UBASH3A: variants seen among roughly 807,000 people sequenced by gnomAD.
The protein encoded by UBASH3A is ubiquitin associated and SH3 domain containing A.
A neutral mutation model predicts 73.5 loss-of-function variants in UBASH3A; 63 were observed. That is an observed-to-expected ratio of 0.86 (90% CI 0.70 to 1.06). UBASH3A has a LOEUF of 1.06. UBASH3A is among the 50% of genes least tolerant of loss of function. The probability of loss-of-function intolerance (pLI) is 0.00; values close to 1 mark genes in which losing one functional copy is unlikely to be tolerated. For synonymous variants in UBASH3A, 363 were observed against 351.1 expected, an observed-to-expected ratio of 1.03 and a Z score of -0.38; for missense variants, 860 against 859.0, an observed-to-expected ratio of 1.00 and a Z score of -0.02.
At chr21:42,429,942 C>A (rs1475284727) in intron 8 of UBASH3A, among the ~76,000 whole-genome samples, 1 of 151,008 alleles carries the variant, frequency 6.6e-6, no homozygotes, top group East Asian at 1.9e-4. Context: ...GTTTATGCAC[C>A]TACCAAATGT....
chr21:42,432,942 AG>A (rs1330279091), intron 9 of UBASH3A, among the ~76,000 whole-genome samples: 1 of 152,272 alleles, frequency 6.6e-6, no homozygotes, highest in Non-Finnish European at 1.5e-5. Flanking sequence ...GGTGGCTATC[AG>A]GATGCATTAA....
intron 8 of UBASH3A, among the ~76,000 whole-genome samples, chr21:42,428,244 C>T (rs544443720): frequency 8.5e-5 from 13 of 152,324 alleles, no homozygotes; most frequent in East Asian, 3.9e-4. Context: ...TCAACCCACA[C>T]GCAGCGTCCC....
At chr21:42,410,588 A>G (rs917582271) in intron 3 of UBASH3A, 1 of 248,438 alleles carries the variant, frequency 4.0e-6, no homozygotes, top group Non-Finnish European at 7.6e-6. Context: ...AAACCTGGAA[A>G]AGCCCCAGAA....
intron 7 of UBASH3A, among the ~76,000 whole-genome samples, chr21:42,419,327 T>C (rs2053288701): frequency 6.6e-6 from 1 of 152,220 alleles, no homozygotes; most frequent in African/African-American, 2.4e-5. Flanking sequence ...TGTTCTTCCC[T>C]CAATTTATCT....
chr21:42,424,263 C>T (rs560308381), intron 7 of UBASH3A, among the ~76,000 whole-genome samples: 24 of 152,190 alleles, frequency 1.6e-4, no homozygotes, highest in South Asian at 1.0e-3. Flanking sequence ...TCCCCCTGCC[C>T]GCCACAGAGG....
At position 42,413,508 on chromosome 21, in the gene UBASH3A, T is replaced by G. The variant is rs747725715; in HGVS notation, c.652T>G (p.Tyr218Asp). ...NLTRASFVSH[Y>D]ILQKYCSVKP... ...AACTAGAGCCTCCTTCGTGAGCCAC[T>G]ACATCCTTCAAAAATGTAAGCCATT... Residue 218 changes from tyrosine to aspartate, a missense_variant, in exon 5 of 15, where the codon TAC becomes GAC. Tyr to Asp is a radical substitution (Grantham distance 160). Transcript: ENST00000319294. The surrounding 1 kb of genome is among the most constrained non-coding windows in gnomAD (Gnocchi z 4.5). The G allele has an allele frequency of 6.2e-7, 1 of 1,613,358 alleles. No homozygotes were observed. The highest frequency in any genetic ancestry group is 1.1e-5 in the South Asian group (1 of 91,038).
chr21:42,403,967 C>A lies in UBASH3A; in HGVS notation c.22C>A (p.Leu8Ile), dbSNP rs146186753. The A allele has an allele frequency of 4.6e-5, 70 of 1,520,956 alleles. 1 individual carries two copies. The highest frequency in any genetic ancestry group is 2.0e-4 in the Middle Eastern group (1 of 5,078). The allele number at this position is 1,520,956 out of a possible 1,614,324, so 94.2% of individuals were successfully genotyped here. The change falls in exon 1 of 15, where the codon CTC becomes ATC. Residue 8 changes from leucine (L) to isoleucine (I), a missense_variant. Physicochemically the swap from Leu to Ile is conservative, Grantham distance 5. Transcript: ENST00000319294. MAAGETQ[L>I]YAKVSNKLKS... ...AGAGATGGCAGCGGGGGAGACGCAG[C>A]TCTACGCCAAGGTCTCCAACAAGCT...
At chr21:42,444,779 C>A in intron 14 of UBASH3A, 136 bp downstream of exon 14, 1 of 707,452 alleles carries the variant, frequency 1.4e-6, no homozygotes, top group Non-Finnish European at 2.5e-6. Context: ...CCCCCGGAGA[C>A]TGTGCCCACC....
intron 7 of UBASH3A, among the ~76,000 whole-genome samples, chr21:42,420,813 A>T (rs1025250205): frequency 6.6e-6 from 1 of 152,246 alleles, no homozygotes; most frequent in African/African-American, 2.4e-5. Flanking sequence ...AGACCTGCTC[A>T]GAATAACCTT....
chr21:42,442,698 G>C, intron 12 of UBASH3A, 102 bp downstream of exon 12: 3 of 1,308,234 alleles, frequency 2.3e-6, no homozygotes, highest in Non-Finnish European at 3.2e-6. Context: ...TTATTCAAGA[G>C]GGACCACTGC....
intron 11 of UBASH3A, among the ~76,000 whole-genome samples, chr21:42,439,514 C>A (rs1164254209): frequency 6.6e-6 from 1 of 152,160 alleles, no homozygotes. Flanking sequence ...GACCAAACCA[C>A]GAAAGGACTC....
At chr21:42,427,161 C>G (rs1409606186) in intron 8 of UBASH3A, among the ~76,000 whole-genome samples, 4 of 152,220 alleles carry the variant, frequency 2.6e-5, no homozygotes. Context: ...GGCCCCTCAT[C>G]TTTTGAGGCA....
At chr21:42,445,992 T>C (rs1262194690) in intron 14 of UBASH3A, among the ~76,000 whole-genome samples, 1 of 152,158 alleles carries the variant, frequency 6.6e-6, no homozygotes, top group African/African-American at 2.4e-5. Context: ...ATTCCTCCTG[T>C]CCCTGCCCCG....
intron 1 of UBASH3A, among the ~76,000 whole-genome samples, chr21:42,404,977 G>C (rs146299383): frequency 6.6e-6 from 1 of 152,112 alleles, no homozygotes; most frequent in African/African-American, 2.4e-5. Context: ...ATGGAAAAAT[G>C]TATCAGAAAC....
intron 7 of UBASH3A, among the ~76,000 whole-genome samples, chr21:42,420,018 T>C (rs577975372): frequency 1.3e-5 from 2 of 152,314 alleles, no homozygotes; most frequent in Non-Finnish European, 2.9e-5. Flanking sequence ...CCATCTGAAG[T>C]TGAAGAACAT....
chr21:42,446,655 G>A (rs1415479622), intron 14 of UBASH3A, among the ~76,000 whole-genome samples: 4 of 152,246 alleles, frequency 2.6e-5, no homozygotes, highest in Non-Finnish European at 4.4e-5. Flanking sequence ...CTCAATGTCT[G>A]TGTCTTTTTG....
At position 42,413,687 on chromosome 21, in the gene UBASH3A, C is replaced by T. The variant is rs933215923; in HGVS notation, c.667+164C>T. Among the ~76,000 whole-genome samples, 2 of 152,060 alleles carry T rather than the reference C, an allele frequency of 1.3e-5. No individual in the cohort carries two copies. Among genetic ancestry groups the T allele is most frequent in the Non-Finnish European group, 2.9e-5 (2 of 67,972 alleles). The stretch of plus-strand genomic sequence containing the variant: ...ATCAAGCCTGAGTGGGTGACTGTGA[C>T]GGGGTTGGAGGCTGGTGCACACAGG... On this transcript the variant is annotated intron_variant, in intron 5 of 14. Coordinates refer to ENST00000319294, the MANE Select transcript of UBASH3A (RefSeq NM_018961.4). This position sits in a 1 kb window ranked among gnomAD's most constrained non-coding sequence, Gnocchi z 4.5.
chr21:42,411,523 G>A (rs1341760947), intron 3 of UBASH3A, among the ~76,000 whole-genome samples: 1 of 149,284 alleles, frequency 6.7e-6, no homozygotes, highest in Non-Finnish European at 1.5e-5. Context: ...ATAGACATAC[G>A]CAGACACACA....
intron 11 of UBASH3A, among the ~76,000 whole-genome samples, chr21:42,437,848 C>G (rs557609282): frequency 2.6e-4 from 40 of 152,338 alleles, no homozygotes; most frequent in African/African-American, 9.4e-4. Context: ...TCTTTGGCCT[C>G]CGTCAGCTAG....
Sources: allele counts gnomAD v4.1 joint callset (sites outside exome capture counted in the v4.1 genomes callset), GRCh38; gene constraint gnomAD v4.1.1; non-coding constraint Gnocchi (gnomAD v3.1); transcripts MANE v1.5; gene names NCBI Gene and HGNC (gene_info 2026-07-23, HGNC 2026-07-21).